Variants in NPR3 observed in about 807,000 individuals in gnomAD.
NPR3 encodes the protein atrial natriuretic peptide receptor 3.
A neutral mutation model predicts 54.5 loss-of-function variants in NPR3; 34 were observed. That is an observed-to-expected ratio of 0.62 (90% CI 0.47 to 0.83). NPR3 has a LOEUF of 0.83. NPR3 is among the 40% of genes least tolerant of loss of function. The pLI, the probability that NPR3 is intolerant of heterozygous loss-of-function variation, is 0.00. For synonymous variants in NPR3, 289 were observed against 297.1 expected (o/e 0.97, Z 0.28); for missense variants, 674 against 720.8 (o/e 0.94, Z 0.74).
chr5:32,697,243 G>C (rs1335313955), intron 1 of NPR3, among the ~76,000 whole-genome samples: 1 of 151,948 alleles, frequency 6.6e-6, no homozygotes, highest in Non-Finnish European at 1.5e-5. Context: ...ATGATCATAT[G>C]GTTTTTGTCC....
At chr5:32,713,386 G>T (rs1405592610) in intron 1 of NPR3, 3 of 985,352 alleles carry the variant, frequency 3.0e-6, no homozygotes, top group Non-Finnish European at 3.6e-6. Context: ...CTATGGCTTC[G>T]GGGAGCGGGG....
chr5:32,730,552 C>T (rs142659487), intron 2 of NPR3, among the ~76,000 whole-genome samples: 13 of 152,280 alleles, frequency 8.5e-5, no homozygotes, highest in South Asian at 4.1e-4. Flanking sequence ...GTGCAGATGT[C>T]ATGGCTGTCT....
rs905205 is a variant in NPR3 at position 32,791,058 on chromosome 5, G to A, written c.*4713G>A. ...GGAGAACAAAGCTGTCACGGTGCAT[G>A]ATAGTTGGACAGAGATGGCTAAAAA... On this transcript the variant is annotated 3_prime_UTR_variant, in exon 8 of 8. Coordinates refer to ENST00000265074, the MANE Select transcript of NPR3 (RefSeq NM_001204375.2). The A allele has an allele frequency of 0.031, 5,238 of 167,202 alleles. 313 individuals carry two copies. Among genetic ancestry groups the A allele is most frequent in the African/African-American group, 0.12 (4,991 of 41,572 alleles). The allele number at this position is 167,202 out of a possible 1,614,324, so 10.4% of individuals were successfully genotyped here.
Position 32,760,372 on chromosome 5 carries a change from G to A in NPR3, c.1060-14336G>A, listed in dbSNP as rs557829604. On this transcript the variant is annotated intron_variant, in intron 3 of 7. Transcript: ENST00000265074. ...CCTCATTTACACTTGGTGGTGTCAG[G>A]TTTTTAATTTTAGCTATTCTGATGG... 3.9e-5 allele frequency among the ~76,000 whole-genome samples: 6 copies of A among 152,134 alleles called. No homozygotes were observed. In the South Asian group the frequency reaches 8.3e-4, roughly 21 times the overall value.
At chr5:32,692,645 G>A (rs1740421952) in intron 1 of NPR3, among the ~76,000 whole-genome samples, 1 of 152,190 alleles carries the variant, frequency 6.6e-6, no homozygotes, top group South Asian at 2.1e-4. Flanking sequence ...TATCCAAGAT[G>A]TAATACCAAC....
At chr5:32,760,592 T>C (rs1242307168) in intron 3 of NPR3, among the ~76,000 whole-genome samples, 1 of 152,196 alleles carries the variant, frequency 6.6e-6, no homozygotes, top group African/African-American at 2.4e-5. Context: ...ATAAGTCAGA[T>C]ATCTGTATAG....
At chr5:32,758,787 G>T (rs993519817) in intron 3 of NPR3, among the ~76,000 whole-genome samples, 2 of 152,174 alleles carry the variant, frequency 1.3e-5, no homozygotes, top group African/African-American at 4.8e-5. Context: ...GTGTCCCAAA[G>T]ATTCTGGTAT....
Position 32,790,116 on chromosome 5 carries a change from T to G in NPR3, c.*3771T>G, listed in dbSNP as rs2112091568. 5.3e-6 allele frequency: 1 copy of G among 188,398 alleles called. No homozygotes were observed. Among genetic ancestry groups the G allele is most frequent in the Admixed American group, 5.5e-5 (1 of 18,286 alleles). The allele number at this position is 188,398 out of a possible 1,614,324, so 11.7% of individuals were successfully genotyped here. On this transcript the variant is annotated 3_prime_UTR_variant, in exon 8 of 8. Transcript: ENST00000265074. ...CTTATTCAGTGGAAAAAACTGAAAC[T>G]GTCTAAAAACACGGGATATATTTTA...
chr5:32,765,608 C>T (rs984692941), intron 3 of NPR3, among the ~76,000 whole-genome samples: 56 of 152,218 alleles, frequency 3.7e-4, no homozygotes, highest in Admixed American at 2.9e-3. Context: ...TGTGCAGTAT[C>T]GGGAACACAG....
At chr5:32,720,454 C>T (rs915318780) in intron 1 of NPR3, among the ~76,000 whole-genome samples, 8 of 152,166 alleles carry the variant, frequency 5.3e-5, no homozygotes, top group South Asian at 4.1e-4. Flanking sequence ...GCTACCTCTT[C>T]GCATTTCTCT....
chr5:32,781,905 AACCTGCTGT>A, intron 5 of NPR3, among the ~76,000 whole-genome samples: 1 of 152,298 alleles, frequency 6.6e-6, no homozygotes, highest in South Asian at 2.1e-4. Flanking sequence ...GGCCTGTGAG[AACCTGCTGT>A]ACCTCTGTCA....
chr5:32,734,408 A>G (rs1739620522), intron 2 of NPR3, among the ~76,000 whole-genome samples: 1 of 152,224 alleles, frequency 6.6e-6, no homozygotes, highest in South Asian at 2.1e-4. Context: ...ACAGGATGGC[A>G]CAGTTACCCC....
intron 3 of NPR3, among the ~76,000 whole-genome samples, chr5:32,756,207 A>G (rs1740830042): frequency 6.6e-6 from 1 of 152,332 alleles, no homozygotes; most frequent in Non-Finnish European, 1.5e-5. Flanking sequence ...GAACTAGTTT[A>G]CAGTCCCACC....
intron 2 of NPR3, among the ~76,000 whole-genome samples, chr5:32,725,466 G>C (rs1391411308): frequency 6.6e-6 from 1 of 152,160 alleles, no homozygotes; most frequent in Non-Finnish European, 1.5e-5. Context: ...CAAGACACCT[G>C]TCTGGGTATG....
chr5:32,754,154 T>C (rs1195895275), intron 3 of NPR3, among the ~76,000 whole-genome samples: 3 of 152,156 alleles, frequency 2.0e-5, no homozygotes, highest in Non-Finnish European at 2.9e-5. Context: ...GGCCTGGCCA[T>C]TGATGCTGCT....
Position 32,712,207 on chromosome 5 carries a change from C to T in NPR3, c.431C>T (p.Ala144Val). Residue 144 changes from alanine to valine, a missense_variant, in exon 1 of 8, where the codon GCC (alanine) becomes GTC (valine). Ala to Val is a moderately conservative substitution (Grantham distance 64, BLOSUM62 0). Transcript: ENST00000265074. ...PVCEYAAAPV[A>V]RLASHWDLPM... The stretch of plus-strand genomic sequence containing the variant: ...TGCGAGTATGCAGCAGCGCCAGTGG[C>T]CCGGCTTGCATCGCACTGGGACCTG... 6.2e-7 allele frequency: 1 copy of T among 1,612,796 alleles called. No homozygotes were observed. Among genetic ancestry groups the T allele is most frequent in the Non-Finnish European group, 8.5e-7 (1 of 1,179,662 alleles).
intron 6 of NPR3, 51 bp downstream of exon 6, chr5:32,783,079 T>C: frequency 6.5e-7 from 1 of 1,532,724 alleles, no homozygotes; most frequent in Middle Eastern, 1.7e-4. Context: ...CTAACCTCAG[T>C]GTAATGTAAG....
At chr5:32,695,593 T>C (rs1740511764) in intron 1 of NPR3, among the ~76,000 whole-genome samples, 3 of 152,182 alleles carry the variant, frequency 2.0e-5, no homozygotes, top group Admixed American at 2.0e-4. Context: ...TTGAGGAACC[T>C]CCAACCTGTT....
At chr5:32,766,806 C>T (rs374390268) in intron 3 of NPR3, among the ~76,000 whole-genome samples, 16 of 152,266 alleles carry the variant, frequency 1.1e-4, no homozygotes, top group Admixed American at 2.6e-4. Context: ...TGAGGTAGGA[C>T]GCTCATCCTT....
Sources: gnomAD v4.1 joint callset for allele counts (sites outside exome capture counted in the v4.1 genomes callset) on GRCh38, gnomAD v4.1.1 for gene constraint, MANE v1.5 for transcripts, NCBI Gene and HGNC (gene_info 2026-07-23, HGNC 2026-07-21) for gene names.